The following EIF4G2 variants were observed in gnomAD, a reference collection of about 807,000 sequenced individuals.
The protein encoded by EIF4G2 is eukaryotic translation initiation factor 4 gamma 2, also known as DAP-5.
EIF4G2 carries 8 observed loss-of-function variants against 117.7 expected under a neutral mutation model. The ratio of observed to expected loss-of-function variants is 0.07; its 90% CI spans 0.04 to 0.12. The LOEUF is 0.12. Among genes scored for constraint, EIF4G2 ranks in the 10% least tolerant of loss-of-function variants. The probability of loss-of-function intolerance (pLI) is 1.00; values close to 1 mark genes in which losing one functional copy is unlikely to be tolerated. For missense variants in EIF4G2, 812 were observed against 1,086.2 expected (o/e 0.75, Z 3.55); for synonymous variants, 413 against 367.8 (o/e 1.12, Z -1.41).
At position 10,800,847 on chromosome 11, in the gene EIF4G2, G is replaced by A; in HGVS notation, c.1540-12C>T. The A allele has an allele frequency of 1.2e-6, 2 of 1,613,086 alleles. No homozygotes were observed. Among genetic ancestry groups the A allele is most frequent in the Non-Finnish European group, 8.5e-7 (1 of 1,179,688 alleles). On this transcript the variant is annotated splice_polypyrimidine_tract_variant and intron_variant, in intron 15 of 21. Coordinates refer to ENST00000339995, the MANE Select transcript of EIF4G2 (RefSeq NM_001418.4). ...CCAAGCTGAGGTGTCTAAAAAACAA[G>A]CAATGACAGACTTTTTTTAAAAAGA...
Position 10,801,470 on chromosome 11 carries a change from C to T in EIF4G2, c.1413+191G>A, listed in dbSNP as rs752549227. 6.8e-6 allele frequency: 5 copies of T among 734,456 alleles called. No individual in the cohort carries two copies. In the East Asian group the frequency reaches 1.0e-4, roughly 15 times the overall value. 45.5% of individuals were successfully genotyped at this position (734,456 alleles called of 1,614,324 possible). ...GCTCTAACAGACTTTAGGAGACTTG[C>T]CCTCATATCTCATAATCTTCGCTCA... On this transcript the variant is annotated intron_variant, in intron 14 of 21. Coordinates refer to ENST00000339995, the MANE Select transcript of EIF4G2 (RefSeq NM_001418.4).
chr11:10,805,150 T>A, intron 4 of EIF4G2, 135 bp from the exon 5 acceptor site: 1 of 698,306 alleles, frequency 1.4e-6, no homozygotes, highest in Non-Finnish European at 2.5e-6. Context: ...CTTACTCATC[T>A]AAAACCAAAG....
In EIF4G2 at chr11:10,800,351, T is replaced by G; in HGVS notation, c.1861-3A>C. ...TGGTCCAATACATTCAGGAAAGCCT[T>G]GAAAGAAATATACAACAGTTTATCA... On this transcript the variant is annotated splice_polypyrimidine_tract_variant and splice_region_variant and intron_variant, in intron 17 of 21. Transcript: ENST00000339995. 1 of 1,613,344 alleles carries G rather than the reference T, an allele frequency of 6.2e-7. No homozygotes were observed. Among genetic ancestry groups the G allele is most frequent in the Non-Finnish European group, 8.5e-7 (1 of 1,179,348 alleles).
Position 10,803,189 on chromosome 11 carries a change from A to C in EIF4G2, c.897+22T>G. ...AAACCAAAAACTCAGCTTACCAACA[A>C]ATTTAAAGAAACCAGTATTACCTGC... On this transcript the variant is annotated intron_variant, in intron 10 of 21. Transcript: ENST00000339995. The surrounding 1 kb of genome is among the most constrained non-coding windows in gnomAD (Gnocchi z 4.0). The C allele has an allele frequency of 6.2e-7, 1 of 1,608,718 alleles. No individual in the cohort carries two copies. The highest frequency in any genetic ancestry group is 1.1e-5 in the South Asian group (1 of 89,384).
In EIF4G2 at chr11:10,797,939, A is replaced by G. The variant is rs1173853302; in HGVS notation, c.2659-58T>C. The G allele has an allele frequency of 6.4e-7, 1 of 1,564,160 alleles. No individual in the cohort carries two copies. Among genetic ancestry groups the G allele is most frequent in the African/African-American group, 1.4e-5 (1 of 73,732 alleles). ...CATGATATAAACAGAAATCCATCCA[A>G]AAAGTTTTAGGTGGTACTACACAGT... On this transcript the variant is annotated intron_variant, in intron 21 of 21. Coordinates refer to ENST00000339995, the MANE Select transcript of EIF4G2 (RefSeq NM_001418.4). The surrounding 1 kb of genome is among the most constrained non-coding windows in gnomAD (Gnocchi z 4.5).
chr11:10,801,338 TAAA>T (rs1847411134), intron 14 of EIF4G2: 4 of 630,424 alleles, frequency 6.3e-6, no homozygotes, highest in Non-Finnish European at 1.1e-5. Flanking sequence ...AATATTCAAA[TAAA>T]AAACTGCAAA....
rs1172964978 is a variant in EIF4G2, at chr11:10,800,321, G to C, written c.1888C>G (p.Pro630Ala). ...AAAGGGATGTCAACCTCCAGTTTGG[G>C]ACACTGGTCCAATACATTCAGGAAA... Residue 630 changes from proline to alanine, a missense_variant, in exon 18 of 22, where the codon CCC (proline) becomes GCC (alanine). This residue lies in a region of EIF4G2 where 571 missense variants were observed against 642.3 expected (regional missense o/e 0.89). Transcript: ENST00000339995. The C allele has an allele frequency of 1.2e-6, 2 of 1,614,110 alleles. No homozygotes were observed. The highest frequency in any genetic ancestry group is 3.3e-5 in the Admixed American group (2 of 60,014).
At chr11:10,805,111 G>A (rs1847527703) in intron 4 of EIF4G2, 96 bp from the exon 5 acceptor site, 3 of 963,648 alleles carry the variant, frequency 3.1e-6, no homozygotes, top group Admixed American at 2.2e-5. Flanking sequence ...CTTCTAACTT[G>A]CTCCCTTTAA....
intron 14 of EIF4G2, 160 bp downstream of exon 14, chr11:10,801,501 C>T (rs369317443): frequency 9.1e-5 from 73 of 803,808 alleles, no homozygotes; most frequent in Admixed American, 2.7e-4. Flanking sequence ...GCTCACAGGA[C>T]GCTGGACATT....
Position 10,803,601 on chromosome 11 carries a change from A to G in EIF4G2, c.703-11T>C, listed in dbSNP as rs1847486030. 7.5e-6 allele frequency: 12 copies of G among 1,608,536 alleles called. No individual in the cohort carries two copies. The highest frequency in any genetic ancestry group is 9.4e-6 in the Non-Finnish European group (11 of 1,176,126). ...CTTCTTTTCCAAAAGCTACAAGAATAAAAGGCCATGGTGACAAAGTTTTAG... is the reference window on the plus strand; with the variant it reads ...CTTCTTTTCCAAAAGCTACAAGAATGAAAGGCCATGGTGACAAAGTTTTAG... On this transcript the variant is annotated splice_polypyrimidine_tract_variant and intron_variant, in intron 8 of 21. Transcript: ENST00000339995. The surrounding 1 kb of genome is among the most constrained non-coding windows in gnomAD (Gnocchi z 4.0).
rs995107777 is a variant in EIF4G2 at position 10,801,087 on chromosome 11, T to C, written c.1414A>G (p.Ile472Val). ...AACGACTGAGCAGGCCTCAGGCTAA[T>C]CTGGAATTGAAAACAAAATATATCT... is the stretch of plus-strand genomic sequence containing the variant. Residue 472 changes from isoleucine to valine, a missense_variant and splice_region_variant, in exon 15 of 22, where the codon ATT becomes GTT. Around this residue, in one of 4 missense-constraint regions of EIF4G2, gnomAD observed 571 missense variants for 642.3 expected, o/e 0.89. Transcript: ENST00000339995. 8.1e-6 allele frequency: 13 copies of C among 1,613,208 alleles called. No individual in the cohort carries two copies. Among genetic ancestry groups the C allele is most frequent in the East Asian group, 2.2e-5 (1 of 44,884 alleles).
At chr11:10,805,265 C>G (rs1443782232) in intron 4 of EIF4G2, among the ~76,000 whole-genome samples, 1 of 152,106 alleles carries the variant, frequency 6.6e-6, no homozygotes. Flanking sequence ...AAGGTTAGAG[C>G]GCAAAGATCT....
Position 10,804,014 on chromosome 11 carries a change from T to G in EIF4G2, c.587A>C (p.Glu196Ala). ...CTTAGCAATGGCTCTCTGTTCCTCC[T>G]CCTCGGGGAGGAGGGGATTTTCACG... Residue 196 changes from glutamate (E) to alanine (A), a missense_variant, in exon 8 of 22, where the codon GAG becomes GCG. Transcript: ENST00000339995. The G allele has an allele frequency of 6.2e-7, 1 of 1,614,058 alleles. No homozygotes were observed. Among genetic ancestry groups the G allele is most frequent in the Non-Finnish European group, 8.5e-7 (1 of 1,179,990 alleles).
chr11:10,804,211 A>T lies in EIF4G2; in HGVS notation c.484-8T>A. 6.2e-7 allele frequency: 1 copy of T among 1,613,976 alleles called. No individual in the cohort carries two copies. The highest frequency in any genetic ancestry group is 8.5e-7 in the Non-Finnish European group (1 of 1,179,970). On this transcript the variant is annotated splice_polypyrimidine_tract_variant and splice_region_variant and intron_variant, in intron 6 of 21. Transcript: ENST00000339995. ...TAGGAGGCGTCTGAATGTCTGGAAA[A>T]GAAGACATTGTCATGCTTTATTAAG...
Position 10,800,519 on chromosome 11 carries a change from A to T in EIF4G2, c.1773T>A (p.Asp591Glu), listed in dbSNP as rs1424713052. ...CTTTTTCTTTATCTTCATCGCTTCT[A>T]TCTAGTGACAGGATGATTACTTTGC... is the stretch of plus-strand genomic sequence containing the variant. The change falls in exon 17 of 22, where the codon GAT (aspartate) becomes GAA (glutamate). Residue 591 changes from aspartate (D) to glutamate (E), a missense_variant. Transcript: ENST00000339995. 1 of 1,614,122 alleles carries T rather than the reference A, an allele frequency of 6.2e-7. No homozygotes were observed. Among genetic ancestry groups the T allele is most frequent in the Non-Finnish European group, 8.5e-7 (1 of 1,180,014 alleles).
rs1443334616 is a variant in EIF4G2, at chr11:10,803,728, G to C, written c.703-138C>G. ...TATAGGGCTTTCTACCAGTCTGGTT[G>C]ATCAGTTCTAACTCTACTTTGTCAA... On this transcript the variant is annotated intron_variant, in intron 8 of 21. Coordinates refer to ENST00000339995, the MANE Select transcript of EIF4G2 (RefSeq NM_001418.4). This position sits in a 1 kb window ranked among gnomAD's most constrained non-coding sequence, Gnocchi z 4.0. 4 of 1,125,350 alleles carry C rather than the reference G, an allele frequency of 3.6e-6. No individual in the cohort carries two copies. Among genetic ancestry groups the C allele is most frequent in the South Asian group, 2.9e-5 (2 of 68,722 alleles). 69.7% of individuals were successfully genotyped at this position (1,125,350 alleles called of 1,614,324 possible). A position where few individuals can be genotyped will look rare whatever the true frequency, so the allele number is the denominator to read the frequency against.
At chr11:10,807,660 C>T in intron 1 of EIF4G2, 1 of 1,032,472 alleles carries the variant, frequency 9.7e-7, no homozygotes, top group Non-Finnish European at 1.2e-6. Context: ...ATCTTTAAAA[C>T]TGAGCACTGA....
chr11:10,807,388 C>A lies in EIF4G2; in HGVS notation c.-86-7G>T. The A allele has an allele frequency of 1.9e-6, 3 of 1,590,542 alleles. No individual in the cohort carries two copies. Among genetic ancestry groups the A allele is most frequent in the African/African-American group, 1.4e-5 (1 of 73,842 alleles). On this transcript the variant is annotated splice_polypyrimidine_tract_variant and splice_region_variant and intron_variant, in intron 1 of 21. Coordinates refer to ENST00000339995, the MANE Select transcript of EIF4G2 (RefSeq NM_001418.4). ...GACAGGAGAAATGAAATACCTGGAA[C>A]GAGAAAGAGCACCAAAATTAGACAC...
intron 1 of EIF4G2, 168 bp downstream of exon 1, chr11:10,808,537 C>G: frequency 8.5e-7 from 1 of 1,175,656 alleles, no homozygotes; most frequent in Non-Finnish European, 1.1e-6. Flanking sequence ...GAAGAGAGAA[C>G]AAAAGCCAAG....
Sources: allele counts gnomAD v4.1 joint callset (sites outside exome capture counted in the v4.1 genomes callset), GRCh38; gene constraint gnomAD v4.1.1; regional missense constraint gnomAD v4.1.1; non-coding constraint Gnocchi (gnomAD v3.1); transcripts MANE v1.5; gene names NCBI Gene and HGNC (gene_info 2026-07-23, HGNC 2026-07-21).